Variants in MARCHF6 observed in about 807,000 individuals in gnomAD.
The protein encoded by MARCHF6 is E3 ubiquitin-protein ligase MARCHF6.
In MARCHF6, 31 loss-of-function variants were observed where a neutral mutation model predicts 133.7. The observed-to-expected ratio is 0.23, with a 90% CI of 0.17 to 0.31. The LOEUF is 0.31. MARCHF6 is among the 10% of genes least tolerant of loss of function. MARCHF6 has a pLI of 1.00. For synonymous variants in MARCHF6, 395 were observed against 402.5 expected (o/e 0.98, Z 0.22); for missense variants, 723 against 1,121.6 (o/e 0.64, Z 5.08).
chr5:10,412,241 A>G (rs772957357), intron 19 of MARCHF6, among the ~76,000 whole-genome samples: 5 of 152,170 alleles, frequency 3.3e-5, no homozygotes, highest in African/African-American at 4.8e-5. Context: ...TTAAGTGTCT[A>G]TGATTGATAT....
In MARCHF6 at chr5:10,439,464, C is replaced by T. The variant is rs1242188142; in HGVS notation, c.*5780C>T. The T allele has an allele frequency of 6.6e-6, 1 of 152,142 alleles. No individual in the cohort carries two copies. Among genetic ancestry groups the T allele is most frequent in the African/African-American group, 2.4e-5 (1 of 41,426 alleles). 9.4% of individuals were successfully genotyped at this position (152,142 alleles called of 1,614,324 possible). On this transcript the variant is annotated 3_prime_UTR_variant, in exon 26 of 26. Coordinates refer to ENST00000274140, the MANE Select transcript of MARCHF6 (RefSeq NM_005885.4). ...AATTGTACTTTATCAAAATTGAGAACTTCTCTTTGAAAGGTACCATAAGGA... is the reference window on the plus strand; with the variant it reads ...AATTGTACTTTATCAAAATTGAGAATTTCTCTTTGAAAGGTACCATAAGGA...
Position 10,381,809 on chromosome 5 carries a change from C to T in MARCHF6, c.200C>T (p.Pro67Leu). 6.3e-7 allele frequency: 1 copy of T among 1,599,176 alleles called. No individual in the cohort carries two copies. The stretch of plus-strand genomic sequence containing the variant: ...TTTTTTCCGCTTATAGTTTATTCTC[C>T]AGATATGCCTTCACGGCTTCCAATT... ...HRFAFTPIYS[P>L]DMPSRLPIQD... is the part of the protein sequence containing the mutation. The change falls in exon 4 of 26, where the codon CCA (proline) becomes CTA (leucine). Residue 67 changes from proline to leucine, a missense_variant. Pro to Leu is a moderately conservative substitution (Grantham distance 98). Coordinates refer to ENST00000274140, the MANE Select transcript of MARCHF6 (RefSeq NM_005885.4).
rs147780003 is a variant in MARCHF6 at position 10,390,884 on chromosome 5, G to A, written c.576+384G>A. On this transcript the variant is annotated intron_variant, in intron 6 of 25. Coordinates refer to ENST00000274140, the MANE Select transcript of MARCHF6 (RefSeq NM_005885.4). Reference sequence around the variant, plus strand: ...CCCTGATGCTGTCAATAAAGACAAAGGCTGTCTTATAAAAAGGACTACAGA... The same window carrying A: ...CCCTGATGCTGTCAATAAAGACAAAAGCTGTCTTATAAAAAGGACTACAGA... Among the ~76,000 whole-genome samples, 1,355 of 152,198 alleles carry A rather than the reference G, an allele frequency of 8.9e-3. 13 individuals carry two copies. The highest frequency in any genetic ancestry group is 0.012 in the Non-Finnish European group (836 of 68,002).
intron 3 of MARCHF6, among the ~76,000 whole-genome samples, chr5:10,380,471 T>C (rs953943568): frequency 6.6e-6 from 1 of 152,246 alleles, no homozygotes; most frequent in Non-Finnish European, 1.5e-5. Flanking sequence ...TTGAGGCCAA[T>C]AGAAGCTTGT....
chr5:10,366,960 A>G (rs1236155155), intron 1 of MARCHF6, among the ~76,000 whole-genome samples: 8 of 152,202 alleles, frequency 5.3e-5, no homozygotes, highest in Non-Finnish European at 8.8e-5. Flanking sequence ...TCGGCCTCCA[A>G]CAGTTACAAA....
At chr5:10,395,089 G>A (rs1738111065) in intron 9 of MARCHF6, among the ~76,000 whole-genome samples, 2 of 152,232 alleles carry the variant, frequency 1.3e-5, no homozygotes, top group South Asian at 4.1e-4. Flanking sequence ...GTGAGCCACC[G>A]CGCCCGGCCA....
intron 9 of MARCHF6, among the ~76,000 whole-genome samples, chr5:10,396,005 T>A (rs1187454102): frequency 6.6e-6 from 1 of 152,218 alleles, no homozygotes; most frequent in Admixed American, 6.5e-5. Context: ...TCCTCATAAA[T>A]GAAGGACAGA....
intron 16 of MARCHF6, among the ~76,000 whole-genome samples, chr5:10,405,891 C>A (rs1738855565): frequency 6.6e-6 from 1 of 152,204 alleles, no homozygotes; most frequent in Non-Finnish European, 1.5e-5. Context: ...AAGGAAGATA[C>A]TTCCTTGTTC....
At chr5:10,406,298 A>G (rs1738885037) in intron 16 of MARCHF6, among the ~76,000 whole-genome samples, 1 of 152,074 alleles carries the variant, frequency 6.6e-6, no homozygotes, top group Non-Finnish European at 1.5e-5. Context: ...AGCAATGGAG[A>G]CTTACTACTG....
rs769157707 is a variant in MARCHF6, at chr5:10,377,906, T to G, written c.116+12T>G. On this transcript the variant is annotated intron_variant, in intron 2 of 25. Coordinates refer to ENST00000274140, the MANE Select transcript of MARCHF6 (RefSeq NM_005885.4). ...ATCCATCAAGAATGGTAAGTCATAC[T>G]TTTAGAAAGTTATGTAAGTCTGAGC... 3.1e-5 allele frequency: 47 copies of G among 1,532,890 alleles called. No homozygotes were observed. Among genetic ancestry groups the G allele is most frequent in the Non-Finnish European group, 1.9e-5 (21 of 1,106,446 alleles). The allele number at this position is 1,532,890 out of a possible 1,614,324, so 95.0% of individuals were successfully genotyped here.
chr5:10,409,361 C>A (rs1739093700), intron 17 of MARCHF6, among the ~76,000 whole-genome samples: 1 of 152,158 alleles, frequency 6.6e-6, no homozygotes, highest in Admixed American at 6.5e-5. Context: ...TTGAGGAAAG[C>A]CCTGAAGGAG....
chr5:10,436,837 G>T lies in MARCHF6; in HGVS notation c.*3153G>T, dbSNP rs752404696. On this transcript the variant is annotated 3_prime_UTR_variant, in exon 26 of 26. Coordinates refer to ENST00000274140, the MANE Select transcript of MARCHF6 (RefSeq NM_005885.4). The stretch of plus-strand genomic sequence containing the variant: ...CTTAGTACTCTGGAGAAACAATGAA[G>T]ATGGGCCATCTCAATTCCAGATGTA... The T allele has an allele frequency of 3.3e-5, 5 of 152,190 alleles. No individual in the cohort carries two copies. The highest frequency in any genetic ancestry group is 5.9e-5 in the Non-Finnish European group (4 of 68,020). The allele number at this position is 152,190 out of a possible 1,614,324, so 9.4% of individuals were successfully genotyped here.
rs1421208859 is a variant in MARCHF6, at chr5:10,406,562, G to A, written c.1453-540G>A. On this transcript the variant is annotated intron_variant, in intron 16 of 25. Coordinates refer to ENST00000274140, the MANE Select transcript of MARCHF6 (RefSeq NM_005885.4). ...CCACCACCAAGCTCAGCTAATTTTT[G>A]TATTTTTAGTAGATGCGGGGTTTCA... 3.3e-5 allele frequency among the ~76,000 whole-genome samples: 5 copies of A among 151,912 alleles called. No homozygotes were observed. In the East Asian group the frequency reaches 9.7e-4, roughly 29 times the overall value.
chr5:10,431,721 G>T (rs538937101), intron 25 of MARCHF6, among the ~76,000 whole-genome samples: 2 of 152,072 alleles, frequency 1.3e-5, no homozygotes, highest in African/African-American at 4.8e-5. Context: ...AGGGAGTTGG[G>T]TTCAGAGTCT....
chr5:10,357,282 A>G (rs1735531487), intron 1 of MARCHF6, among the ~76,000 whole-genome samples: 1 of 150,748 alleles, frequency 6.6e-6, no homozygotes, highest in African/African-American at 2.4e-5. Context: ...GTTGATGTGC[A>G]GTTCTCAAAG....
intron 17 of MARCHF6, among the ~76,000 whole-genome samples, chr5:10,407,448 T>TA (rs1435590926): frequency 1.3e-5 from 2 of 152,218 alleles, no homozygotes; most frequent in African/African-American, 2.4e-5. Context: ...CATTAGTACT[T>TA]ACATTTTGTA....
rs1360131011 is a variant in MARCHF6 at position 10,435,380 on chromosome 5, A to G, written c.*1696A>G. On this transcript the variant is annotated 3_prime_UTR_variant, in exon 26 of 26. Transcript: ENST00000274140. ...TCGAGGCCAACCTAGGCAAAATTGG[A>G]AAAAAAAAAAAAAATCAGTATCAGA... 4 of 87,716 alleles carry G rather than the reference A, an allele frequency of 4.6e-5. No individual in the cohort carries two copies. Among genetic ancestry groups the G allele is most frequent in the Non-Finnish European group, 5.9e-5 (3 of 51,276 alleles). The allele number at this position is 87,716 out of a possible 1,614,324, so 5.4% of individuals were successfully genotyped here.
chr5:10,431,626 A>AGT (rs10574367), intron 25 of MARCHF6, among the ~76,000 whole-genome samples: 16,182 of 148,374 alleles, frequency 0.11, 1,544 homozygotes, highest in East Asian at 0.52. Context: ...AGAGTGAGTG[A>AGT]GTGTGTGTGT....
chr5:10,394,849 G>T, intron 9 of MARCHF6, 64 bp downstream of exon 9: 1 of 1,052,364 alleles, frequency 9.5e-7, no homozygotes, highest in South Asian at 1.4e-5. Context: ...ACCCAGGCTG[G>T]ACTGCAGTGG....
Sources: gnomAD v4.1 joint callset for allele counts (sites outside exome capture counted in the v4.1 genomes callset) on GRCh38, gnomAD v4.1.1 for gene constraint, MANE v1.5 for transcripts, NCBI Gene and HGNC (gene_info 2026-07-23, HGNC 2026-07-21) for gene names.